The following EVA1A variants were observed in gnomAD, a reference collection of about 807,000 sequenced individuals.
The protein encoded by EVA1A is protein eva-1 homolog A.
Under a neutral mutation model 9.8 loss-of-function variants are expected in EVA1A, and 7 were observed. That is an observed-to-expected ratio of 0.71 (90% confidence interval 0.41 to 1.34). EVA1A has a LOEUF of 1.34. EVA1A is among the 40% of genes most tolerant of loss of function. The probability of loss-of-function intolerance (pLI) is 0.01; values close to 1 mark genes in which losing one functional copy is unlikely to be tolerated. For synonymous variants in EVA1A, 90 were observed against 85.6 expected (o/e 1.05, Z -0.28); for missense variants, 206 against 205.9 (o/e 1.00, Z 0.00).
chr2:75,548,938 T>C (rs987515857), intron 1 of EVA1A, among the ~76,000 whole-genome samples: 6 of 151,028 alleles, frequency 4.0e-5, no homozygotes, highest in African/African-American at 1.2e-4. Context: ...GCCAGCCACA[T>C]AGTTGTTCAA....
chr2:75,547,151 A>C (rs1359611428), intron 1 of EVA1A, among the ~76,000 whole-genome samples: 1 of 152,206 alleles, frequency 6.6e-6, no homozygotes, highest in African/African-American at 2.4e-5. Context: ...TAACACTTGC[A>C]GCCGACTTTG....
chr2:75,526,131 C>T (rs1178646054), intron 1 of EVA1A: 1 of 152,206 alleles, frequency 6.6e-6, no homozygotes, highest in East Asian at 1.9e-4. Flanking sequence ...CAATGATTGA[C>T]TCATAGTGCT....
rs988479571 is a variant in EVA1A, at chr2:75,492,422, A to AAC, written c.*813_*814insGT. ...CTTTGAAATCCAATTAAAAAAAAAA[A>AAC]AAAAAACAAAGTGTTTAAAATCACA... On this transcript the variant is annotated 3_prime_UTR_variant, in exon 4 of 4. Coordinates refer to ENST00000393913, the MANE Select transcript of EVA1A (RefSeq NM_001135032.2). The AAC allele has an allele frequency of 1.1e-4, 16 of 152,036 alleles. No homozygotes were observed. Among genetic ancestry groups the AAC allele is most frequent in the African/African-American group, 3.9e-4 (16 of 41,480 alleles). The allele number at this position is 152,036 out of a possible 1,614,324, so 9.4% of individuals were successfully genotyped here. A position where few individuals can be genotyped will look rare whatever the true frequency, so the allele number is the denominator to read the frequency against.
At chr2:75,508,505 G>A (rs112360377) in intron 3 of EVA1A, among the ~76,000 whole-genome samples, 3,725 of 152,084 alleles carry the variant, frequency 0.024, 149 homozygotes, top group African/African-American at 0.086. Flanking sequence ...TGGTCAGACC[G>A]GTTGCTCTCA....
rs1329278087 is a variant in EVA1A at position 75,558,732 on chromosome 2, A to C, written c.-192+1948T>G. 2.0e-5 allele frequency: 3 copies of C among 152,244 alleles called. No homozygotes were observed. In the East Asian group the frequency reaches 5.8e-4, roughly 29 times the overall value. 9.4% of individuals were successfully genotyped at this position (152,244 alleles called of 1,614,324 possible). On this transcript the variant is annotated intron_variant, in intron 1 of 3. Transcript: ENST00000393913. ...ACCAAAAGAATAGTGGGTTGGGGGA[A>C]TGTCAGGAACATTGACGAAGTGGCA...
intron 3 of EVA1A, among the ~76,000 whole-genome samples, 174 bp from the exon 4 acceptor site, chr2:75,493,783 CG>C (rs1460407080): frequency 6.6e-6 from 1 of 152,150 alleles, no homozygotes; most frequent in Non-Finnish European, 1.5e-5. Flanking sequence ...TATTGACAAA[CG>C]GTGAATCTGT....
chr2:75,511,802 G>T (rs1006818791), intron 3 of EVA1A, among the ~76,000 whole-genome samples: 8 of 152,122 alleles, frequency 5.3e-5, no homozygotes, highest in Admixed American at 5.2e-4. Context: ...GCAGGATATA[G>T]CAGTCAACAA....
chr2:75,518,320 TCC>T (rs1453363698), intron 2 of EVA1A, 112 bp from the exon 3 acceptor site: 1 of 1,189,814 alleles, frequency 8.4e-7, no homozygotes, highest in African/African-American at 1.5e-5. Context: ...TTTGCAGGTG[TCC>T]TTTGGGGCTT....
At chr2:75,565,433 G>T (rs183825330), upstream of EVA1A, among the ~76,000 whole-genome samples, 43 of 152,262 alleles carry the variant, frequency 2.8e-4, 1 homozygote, top group Non-Finnish European at 2.9e-5. Flanking sequence ...CATCAAAACT[G>T]CTCTCCTGTG....
intron 3 of EVA1A, among the ~76,000 whole-genome samples, chr2:75,512,196 A>G (rs1674843092): frequency 6.6e-6 from 1 of 152,306 alleles, no homozygotes; most frequent in Non-Finnish European, 1.5e-5. Context: ...CTTTCTAACA[A>G]CCTTGTTAGG....
At chr2:75,524,309 G>A (rs1002093673) in intron 1 of EVA1A, among the ~76,000 whole-genome samples, 1 of 151,928 alleles carries the variant, frequency 6.6e-6, no homozygotes, top group African/African-American at 2.4e-5. Flanking sequence ...TGCTCCCCAA[G>A]CTCTCTGAGG....
At chr2:75,527,429 C>A (rs1447979312) in intron 1 of EVA1A, among the ~76,000 whole-genome samples, 1 of 152,220 alleles carries the variant, frequency 6.6e-6, no homozygotes. Flanking sequence ...CCCCCTCCCC[C>A]TCTCCACTGG....
intron 3 of EVA1A, among the ~76,000 whole-genome samples, chr2:75,497,980 A>G (rs1211422131): frequency 6.6e-6 from 1 of 152,126 alleles, no homozygotes; most frequent in Non-Finnish European, 1.5e-5. Context: ...CTGGGTGTAT[A>G]TCTAAAGGAA....
intron 1 of EVA1A, among the ~76,000 whole-genome samples, chr2:75,545,365 G>A (rs1187132021): frequency 6.6e-6 from 1 of 152,172 alleles, no homozygotes; most frequent in Non-Finnish European, 1.5e-5. Context: ...AATTGGGAGA[G>A]GGGAAACTTT....
At chr2:75,537,960 G>T (rs1675976100) in intron 1 of EVA1A, among the ~76,000 whole-genome samples, 1 of 152,156 alleles carries the variant, frequency 6.6e-6, no homozygotes, top group Admixed American at 6.5e-5. Context: ...AGCCTCAGAT[G>T]TTCCTTCTGC....
At chr2:75,537,750 T>TTA (rs1465643947) in intron 1 of EVA1A, among the ~76,000 whole-genome samples, 1 of 152,106 alleles carries the variant, frequency 6.6e-6, no homozygotes, top group Non-Finnish European at 1.5e-5. Flanking sequence ...TTCTATTACT[T>TTA]TATGCGAGAG....
chr2:75,558,920 G>C (rs1200955462), intron 1 of EVA1A, among the ~76,000 whole-genome samples: 2 of 152,164 alleles, frequency 1.3e-5, no homozygotes, highest in East Asian at 1.9e-4. Context: ...TAGCAATAGG[G>C]GACCAACAAG....
intron 3 of EVA1A, among the ~76,000 whole-genome samples, chr2:75,495,795 C>T (rs1674190594): frequency 6.6e-6 from 1 of 152,126 alleles, no homozygotes; most frequent in Non-Finnish European, 1.5e-5. Flanking sequence ...AAATATTGTC[C>T]AAATATGTTC....
chr2:75,540,615 G>C (rs1295998705), intron 1 of EVA1A: 1 of 152,152 alleles, frequency 6.6e-6, no homozygotes, highest in African/African-American at 2.4e-5. Context: ...CGTTTGGCTG[G>C]GCATGGTTTT....
Sources: gnomAD v4.1 joint callset for allele counts (sites outside exome capture counted in the v4.1 genomes callset) on GRCh38, gnomAD v4.1.1 for gene constraint, MANE v1.5 for transcripts, NCBI Gene and HGNC (gene_info 2026-07-23, HGNC 2026-07-21) for gene names.